Variants in FAM83E observed in about 807,000 individuals in gnomAD.
FAM83E encodes the protein scaffolding CK1 anchoring protein E.
A neutral mutation model predicts 34.3 loss-of-function variants in FAM83E; 29 were observed. That is an observed-to-expected ratio of 0.85 (90% confidence interval 0.63 to 1.15). FAM83E has a LOEUF of 1.15. FAM83E is among the 50% of genes most tolerant of loss of function. FAM83E has a pLI of 0.00. For synonymous variants in FAM83E, 312 were observed against 311.6 expected (o/e 1.00, Z -0.01); for missense variants, 697 against 685.0 (o/e 1.02, Z -0.20).
intron 5 of FAM83E, chr19:48,607,163 AC>A (rs1283114798): frequency 6.2e-7 from 1 of 1,613,098 alleles, no homozygotes; most frequent in South Asian, 1.1e-5. Context: ...CCGGTCATCA[AC>A]AAAGGCTGCC....
chr19:48,607,151 G>A (rs1973946335), intron 5 of FAM83E: 1 of 1,612,850 alleles, frequency 6.2e-7, no homozygotes, highest in African/African-American at 1.3e-5. Context: ...CCGGGCACTG[G>A]TCCGGTCATC....
chr19:48,602,697 AAAAAAAAATATAT>A (rs1973840009), intron 6 of FAM83E, among the ~76,000 whole-genome samples: 2 of 26,992 alleles, frequency 7.4e-5, no homozygotes, highest in African/African-American at 2.5e-4. Context: ...AAAAAAAAAA[AAAAAAAAATATAT>A]ATATATATAT....
In FAM83E at chr19:48,613,330, C is replaced by G. The variant is rs1001432335; in HGVS notation, c.43G>C (p.Gly15Arg). The G allele has an allele frequency of 1.9e-6, 3 of 1,593,506 alleles. No individual in the cohort carries two copies. The highest frequency in any genetic ancestry group is 2.6e-6 in the Non-Finnish European group (3 of 1,172,220). ...GGGCTGGCCCCGGGCACCCTGGGAC[C>G]GGAGTCCACTCCTTCCAGCGCCGCC... The part of the protein sequence containing the change: ...QLAALEGVDS[G>R]PRVPGASPGF... Residue 15 changes from glycine (G) to arginine (R), a missense_variant, in exon 3 of 7, where the codon GGT (glycine) becomes CGT (arginine). Physicochemically the swap from Gly to Arg is moderately radical, Grantham distance 125. Transcript: ENST00000263266.
chr19:48,607,191 C>G, intron 5 of FAM83E: 1 of 1,613,242 alleles, frequency 6.2e-7, no homozygotes. Flanking sequence ...CCACCAGCTG[C>G]GGCCTTGAGG....
chr19:48,612,638 G>A (rs1158216048), intron 3 of FAM83E, among the ~76,000 whole-genome samples: 9 of 147,116 alleles, frequency 6.1e-5, no homozygotes, highest in Non-Finnish European at 8.9e-5. Flanking sequence ...TCCTGACCTC[G>A]TGATCCGTCC....
At chr19:48,607,161 C>T (rs767842488) in intron 5 of FAM83E, 2 of 1,613,048 alleles carry the variant, frequency 1.2e-6, no homozygotes, top group Non-Finnish European at 8.5e-7. Context: ...GTCCGGTCAT[C>T]AACAAAGGCT....
intron 6 of FAM83E, among the ~76,000 whole-genome samples, chr19:48,602,707 ATATATATATAT>A (rs1568417841): frequency 0.35 from 10,171 of 29,108 alleles, 3,389 homozygotes; most frequent in Non-Finnish European, 0.43. Flanking sequence ...AAAAAAAAAT[ATATATATATAT>A]ATATATATAT....
At position 48,613,681 on chromosome 19, in the gene FAM83E, T is replaced by C; in HGVS notation, c.-309A>G. On this transcript the variant is annotated 5_prime_UTR_variant, in exon 3 of 7. Coordinates refer to ENST00000263266, the MANE Select transcript of FAM83E (RefSeq NM_017708.4). The stretch of plus-strand genomic sequence containing the variant: ...CCGTGACCTTCCTGCCAGCCGTCTC[T>C]GCTGGTCAGGTTGACCTCCTGACAC... 1.6e-6 allele frequency: 2 copies of C among 1,249,952 alleles called. No individual in the cohort carries two copies. Among genetic ancestry groups the C allele is most frequent in the Non-Finnish European group, 2.0e-6 (2 of 990,644 alleles). The allele number at this position is 1,249,952 out of a possible 1,614,324, so 77.4% of individuals were successfully genotyped here.
intron 5 of FAM83E, among the ~76,000 whole-genome samples, chr19:48,609,425 A>T (rs775790919): frequency 1.4e-4 from 21 of 151,584 alleles, no homozygotes; most frequent in Non-Finnish European, 2.7e-4. Context: ...ACAGGGTTTC[A>T]CCATGTTGGC....
In FAM83E at chr19:48,614,859, G is replaced by T; in HGVS notation, c.-1387-20C>A. On this transcript the variant is annotated intron_variant, in intron 1 of 6. Coordinates refer to ENST00000263266, the MANE Select transcript of FAM83E (RefSeq NM_017708.4). ...CTCGACCTGGAATCCAGGGAGCCCGGCCCCTTGTGTAAACACAGGAGGGCC... is the reference window on the plus strand; with the variant it reads ...CTCGACCTGGAATCCAGGGAGCCCGTCCCCTTGTGTAAACACAGGAGGGCC... 1.1e-6 allele frequency: 1 copy of T among 949,632 alleles called. No homozygotes were observed. The highest frequency in any genetic ancestry group is 1.3e-6 in the Non-Finnish European group (1 of 797,140). The allele number at this position is 949,632 out of a possible 1,614,324, so 58.8% of individuals were successfully genotyped here. A position where few individuals can be genotyped will look rare whatever the true frequency, so the allele number is the denominator to read the frequency against.
chr19:48,610,595 C>A, intron 4 of FAM83E, 85 bp downstream of exon 4: 1 of 1,433,192 alleles, frequency 7.0e-7, no homozygotes, highest in East Asian at 2.5e-5. Flanking sequence ...ATCTCAATGA[C>A]CCGGAGCTCC....
chr19:48,611,458 A>G (rs556206044), intron 3 of FAM83E, among the ~76,000 whole-genome samples: 1 of 150,004 alleles, frequency 6.7e-6, no homozygotes, highest in Admixed American at 6.6e-5. Flanking sequence ...GTGAGCCACC[A>G]CGCCCGGCTT....
chr19:48,603,933 G>A, intron 5 of FAM83E, 22 bp from the exon 6 acceptor site: 1 of 1,586,592 alleles, frequency 6.3e-7, no homozygotes, highest in Non-Finnish European at 8.6e-7. Context: ...GGAGTAGGGG[G>A]TCAGAGTCTC....
chr19:48,603,527 G>C lies in FAM83E; in HGVS notation c.1143C>G (p.Ser381=), dbSNP rs1462932412. ...CCCCATCACTGGAGCCAGACAGCTG[G>C]GACAGGCGGCTTAGGTCCCACATGG... ...SRSMWDLSRL[S]QLSGSSDGDN... Residue 381 remains serine, a synonymous_variant, in exon 6 of 7, where the codon TCC becomes TCG. Transcript: ENST00000263266. The C allele has an allele frequency of 1.3e-6, 2 of 1,568,824 alleles. No homozygotes were observed. The highest frequency in any genetic ancestry group is 1.4e-5 in the African/African-American group (1 of 71,598).
Position 48,613,622 on chromosome 19 carries a change from C to G in FAM83E, c.-250G>C. 1 of 1,356,894 alleles carries G rather than the reference C, an allele frequency of 7.4e-7. No homozygotes were observed. Among genetic ancestry groups the G allele is most frequent in the African/African-American group, 1.5e-5 (1 of 68,326 alleles). 84.1% of individuals were successfully genotyped at this position (1,356,894 alleles called of 1,614,324 possible). On this transcript the variant is annotated 5_prime_UTR_variant, in exon 3 of 7. Coordinates refer to ENST00000263266, the MANE Select transcript of FAM83E (RefSeq NM_017708.4). ...TCAGGCCACTCAGATCCGCCACCTG[C>G]CTGCACCCAGTGGCACCATGCCTGG...
intron 3 of FAM83E, among the ~76,000 whole-genome samples, chr19:48,611,528 C>T (rs778769139): frequency 4.0e-5 from 6 of 151,570 alleles, no homozygotes; most frequent in Non-Finnish European, 7.4e-5. Flanking sequence ...AGTGCAGTGG[C>T]GCAATATCAG....
intron 5 of FAM83E, among the ~76,000 whole-genome samples, chr19:48,605,295 G>A (rs932740209): frequency 8.6e-5 from 13 of 151,910 alleles, no homozygotes; most frequent in African/African-American, 2.9e-4. Flanking sequence ...TAGGAAGGCC[G>A]TGTGCAGTGG....
rs1469205034 is a variant in FAM83E, at chr19:48,613,454, G to A, written c.-82C>T. 13 of 1,441,428 alleles carry A rather than the reference G, an allele frequency of 9.0e-6. No individual in the cohort carries two copies. The highest frequency in any genetic ancestry group is 1.1e-5 in the Non-Finnish European group (12 of 1,101,012). The allele number at this position is 1,441,428 out of a possible 1,614,324, so 89.3% of individuals were successfully genotyped here. A position where few individuals can be genotyped will look rare whatever the true frequency, so the allele number is the denominator to read the frequency against. On this transcript the variant is annotated 5_prime_UTR_variant, in exon 3 of 7. The change creates a premature stop within an existing upstream ORF in the 5' untranslated region. Transcript: ENST00000263266. The stretch of plus-strand genomic sequence containing the variant: ...CTGTCTCTGGGGACTGTGATCATCT[G>A]GGGGTTCTCCTGATAGGCAGACCCT...
intron 5 of FAM83E, chr19:48,607,360 G>A (rs1232132065): frequency 6.3e-7 from 1 of 1,576,728 alleles, no homozygotes; most frequent in Non-Finnish European, 8.6e-7. Flanking sequence ...GTGACCAACA[G>A]GGAGGACAGG....
Sources: allele counts gnomAD v4.1 joint callset (sites outside exome capture counted in the v4.1 genomes callset), GRCh38; gene constraint gnomAD v4.1.1; transcripts MANE v1.5; gene names NCBI Gene and HGNC (gene_info 2026-07-23, HGNC 2026-07-21).